CACNA1E: variants seen among roughly 807,000 people sequenced by gnomAD.
The protein encoded by CACNA1E is voltage-dependent R-type calcium channel subunit alpha-1E.
In CACNA1E, 40 loss-of-function variants were observed where a neutral mutation model predicts 259.2. The observed-to-expected ratio is 0.15, with a 90% CI of 0.12 to 0.20. The LOEUF is 0.20. CACNA1E is among the 10% of genes least tolerant of loss of function. The pLI, the probability that CACNA1E is intolerant of heterozygous loss-of-function variation, is 1.00. For synonymous variants in CACNA1E, 1,104 were observed against 1,138.5 expected (o/e 0.97, Z 0.61); for missense variants, 1,874 against 3,040.1 (o/e 0.62, Z 9.02).
chr1:181,553,052 G>A (rs1329114066), intron 3 of CACNA1E, among the ~76,000 whole-genome samples: 2 of 152,132 alleles, frequency 1.3e-5, no homozygotes, highest in Non-Finnish European at 2.9e-5. Flanking sequence ...CAATGGTATA[G>A]CATTGGGAAT....
intron 2 of CACNA1E, among the ~76,000 whole-genome samples, chr1:181,473,307 T>A (rs563161689): frequency 1.3e-5 from 2 of 152,320 alleles, no homozygotes; most frequent in East Asian, 3.9e-4. Flanking sequence ...TAGCCATTCA[T>A]TGAAAAACAA....
chr1:181,568,285 A>C (rs955076951), intron 3 of CACNA1E, among the ~76,000 whole-genome samples: 1 of 152,170 alleles, frequency 6.6e-6, no homozygotes, highest in Non-Finnish European at 1.5e-5. Context: ...CAGAGAAGGC[A>C]GCCAGCACAG....
intron 3 of CACNA1E, among the ~76,000 whole-genome samples, chr1:181,560,488 T>C (rs1649214544): frequency 6.6e-6 from 1 of 152,164 alleles, no homozygotes; most frequent in Non-Finnish European, 1.5e-5. Flanking sequence ...TAAGACTATA[T>C]GATGCCTTTT....
At chr1:181,388,448 C>G (rs979790753) in intron 1 of CACNA1E, among the ~76,000 whole-genome samples, 1 of 152,118 alleles carries the variant, frequency 6.6e-6, no homozygotes, top group African/African-American at 2.4e-5. Flanking sequence ...TATTACACAC[C>G]CAGGCTATAT....
At chr1:181,365,778 C>T (rs559118251) in intron 1 of CACNA1E, among the ~76,000 whole-genome samples, 5 of 152,136 alleles carry the variant, frequency 3.3e-5, no homozygotes, top group Admixed American at 6.5e-5. Context: ...GGTGTCCTGA[C>T]GTTTAGCAGG....
At chr1:181,528,374 C>T (rs897698287) in intron 3 of CACNA1E, among the ~76,000 whole-genome samples, 10 of 152,094 alleles carry the variant, frequency 6.6e-5, no homozygotes, top group African/African-American at 2.4e-4. Flanking sequence ...TCTTTTTGTT[C>T]CCAGTTTCAG....
chr1:181,464,896 G>A (rs1049148480), intron 2 of CACNA1E, among the ~76,000 whole-genome samples: 1 of 151,752 alleles, frequency 6.6e-6, no homozygotes, highest in African/African-American at 2.4e-5. Flanking sequence ...TAGTAATTTA[G>A]TTCCTTTTTT....
At chr1:181,493,024 T>C (rs1401211479) in intron 1 of CACNA1E, among the ~76,000 whole-genome samples, 1 of 152,198 alleles carries the variant, frequency 6.6e-6, no homozygotes, top group East Asian at 1.9e-4. Flanking sequence ...TTTTGGAGTG[T>C]TGGGACCATT....
chr1:181,703,066 G>C (rs1378681625), intron 7 of CACNA1E, among the ~76,000 whole-genome samples: 1 of 152,150 alleles, frequency 6.6e-6, no homozygotes, highest in Non-Finnish European at 1.5e-5. Flanking sequence ...TCAAGTATCT[G>C]AGATTACAGG....
intron 8 of CACNA1E, among the ~76,000 whole-genome samples, chr1:181,712,520 C>G (rs563000137): frequency 3.3e-5 from 5 of 152,296 alleles, no homozygotes; most frequent in South Asian, 4.1e-4. Context: ...GCTCTGCAGT[C>G]AACTTTTGGT....
intron 34 of CACNA1E, among the ~76,000 whole-genome samples, chr1:181,763,878 C>T (rs1658800981): frequency 6.6e-6 from 1 of 152,182 alleles, no homozygotes; most frequent in African/African-American, 2.4e-5. Flanking sequence ...TGTAAAGAGC[C>T]AGCCATCTGT....
intron 1 of CACNA1E, among the ~76,000 whole-genome samples, chr1:181,347,134 C>G (rs1226561371): frequency 6.6e-6 from 1 of 152,156 alleles, no homozygotes; most frequent in Admixed American, 6.5e-5. Context: ...CCCGTGCCAT[C>G]CCCCATCACT....
intron 1 of CACNA1E, among the ~76,000 whole-genome samples, chr1:181,411,158 G>T (rs1268168755): frequency 1.3e-5 from 2 of 152,180 alleles, no homozygotes; most frequent in Non-Finnish European, 2.9e-5. Context: ...TGAAAAGGTG[G>T]TAAGTTCAGG....
chr1:181,690,597 C>T (rs1160436982), intron 7 of CACNA1E, among the ~76,000 whole-genome samples: 1 of 152,156 alleles, frequency 6.6e-6, no homozygotes, highest in Non-Finnish European at 1.5e-5. Flanking sequence ...ACTGATTCTT[C>T]CCATCCAAGA....
intron 3 of CACNA1E, among the ~76,000 whole-genome samples, chr1:181,544,441 A>G (rs1647240662): frequency 6.6e-6 from 1 of 152,142 alleles, no homozygotes; most frequent in Non-Finnish European, 1.5e-5. Context: ...TTAGAAGGGT[A>G]AATTATGTGG....
intron 7 of CACNA1E, among the ~76,000 whole-genome samples, chr1:181,685,825 C>A (rs1047768019): frequency 6.6e-6 from 1 of 152,112 alleles, no homozygotes; most frequent in East Asian, 1.9e-4. Flanking sequence ...CTCATTTGTA[C>A]CCCACTTGTT....
intron 28 of CACNA1E, 105 bp downstream of exon 28, chr1:181,755,502 CTG>C (rs1658011554): frequency 9.1e-6 from 8 of 875,384 alleles, no homozygotes; most frequent in Admixed American, 2.3e-5. Context: ...TTACCCATCT[CTG>C]CTCTTCTTTC....
rs1057028170 is a variant in CACNA1E, at chr1:181,732,439, C to T, written c.2353C>T (p.Leu785=). Residue 785 remains leucine (L), a synonymous_variant, in exon 20 of 48, where the codon CTG becomes TTG. Transcript: ENST00000367573. The surrounding 1 kb of genome is among the most constrained non-coding windows in gnomAD (Gnocchi z 5.5). ...CGTGTGGGAGCAGCGTACCAGCCAG[C>T]TGAGGAAGCACATGCAGATGTCCAG... ...MSVWEQRTSQ[L]RKHMQMSSQE... 3.9e-6 allele frequency: 6 copies of T among 1,548,534 alleles called. No individual in the cohort carries two copies. The Admixed American group carries it at 5.9e-5, about 15-fold the overall frequency.
chr1:181,443,623 C>T (rs1660634624), intron 2 of CACNA1E, among the ~76,000 whole-genome samples: 1 of 152,206 alleles, frequency 6.6e-6, no homozygotes, highest in South Asian at 2.1e-4. Flanking sequence ...GCTATAAAGA[C>T]ACACAGGTTC....
Sources: allele counts gnomAD v4.1 joint callset (sites outside exome capture counted in the v4.1 genomes callset), GRCh38; gene constraint gnomAD v4.1.1; non-coding constraint Gnocchi (gnomAD v3.1); transcripts MANE v1.5; gene names NCBI Gene and HGNC (gene_info 2026-07-23, HGNC 2026-07-21).